Variants in SRD5A2 observed in about 807,000 individuals in gnomAD.
SRD5A2 encodes steroid 5 alpha-reductase 2, also known as 3-oxo-5-alpha-steroid 4-dehydrogenase 2.
SRD5A2 carries 30 observed loss-of-function variants against 27.4 expected under a neutral mutation model. The ratio of observed to expected loss-of-function variants is 1.10; its 90% CI spans 0.82 to 1.49. The LOEUF (loss-of-function observed/expected upper bound fraction) is 1.49, where lower values mean the gene tolerates loss of function less well. Ranked by LOEUF, SRD5A2 falls within the 40% of genes most tolerant of loss-of-function variation. SRD5A2 has a pLI of 0.00. For synonymous variants in SRD5A2, 141 were observed against 133.6 expected (o/e 1.06, Z -0.38); for missense variants, 348 against 323.4 (o/e 1.08, Z -0.58).
At chr2:31,652,738 A>T in the SRD5A2 span, among the ~76,000 whole-genome samples, 1 of 152,234 alleles carries the variant, frequency 6.6e-6, no homozygotes, top group Non-Finnish European at 1.5e-5. Flanking sequence ...GAAGTGCCAA[A>T]CTTAATCTAC....
rs200206626 is a variant in SRD5A2, at chr2:31,533,717, G to T, written c.331C>A (p.Leu111Ile). The T allele has an allele frequency of 2.9e-5, 47 of 1,599,070 alleles. No homozygotes were observed. Among genetic ancestry groups the T allele is most frequent in the Non-Finnish European group, 3.4e-5 (40 of 1,172,664 alleles). The change falls in exon 2 of 5, where the codon CTC becomes ATC. Residue 111 changes from leucine to isoleucine, a missense_variant. By Grantham distance (5) the Leu-to-Ile change is conservative. Coordinates refer to ENST00000622030, the MANE Select transcript of SRD5A2 (RefSeq NM_000348.4). ...LNRGRPYPAI[L>I]ILRGTAFCTG... ...CAGAAGGCAGTGCCTCTGAGAATGA[G>T]TATAGCTGGATAAGGCCTCCCTCGA...
intron 1 of SRD5A2, among the ~76,000 whole-genome samples, chr2:31,561,399 T>C (rs144353728): frequency 0.016 from 2,405 of 152,296 alleles, 36 homozygotes; most frequent in South Asian, 0.044. Flanking sequence ...TACTCTGCCA[T>C]GCTGGAAGAC....
At chr2:31,598,097 A>G in the SRD5A2 span, among the ~76,000 whole-genome samples, 2 of 152,136 alleles carry the variant, frequency 1.3e-5, no homozygotes, top group African/African-American at 4.8e-5. Context: ...TGGTATATAT[A>G]CCATGGAATA....
chr2:31,593,110 T>A, the SRD5A2 span, among the ~76,000 whole-genome samples: 1,042 of 151,432 alleles, frequency 6.9e-3, 7 homozygotes, highest in African/African-American at 0.024. Flanking sequence ...GGGACTGTTG[T>A]GGGGTCGGGG....
chr2:31,581,012 C>T, upstream of SRD5A2: 2 of 1,208,834 alleles, frequency 1.7e-6, no homozygotes, highest in Non-Finnish European at 2.2e-6. Context: ...GGCCTTGGCT[C>T]CCGCCCCTCC....
chr2:31,530,093 C>T (rs1558356310), intron 3 of SRD5A2, among the ~76,000 whole-genome samples: 1 of 152,194 alleles, frequency 6.6e-6, no homozygotes, highest in East Asian at 1.9e-4. Flanking sequence ...TATTTCTTCT[C>T]TCAGGACTGT....
rs376161493 is a variant in SRD5A2, at chr2:31,526,293, A to G, written c.699-31T>C. 3 of 1,424,876 alleles carry G rather than the reference A, an allele frequency of 2.1e-6. No individual in the cohort carries two copies. The African/African-American group carries it at 4.3e-5, about 20-fold the overall frequency. 88.3% of individuals were successfully genotyped at this position (1,424,876 alleles called of 1,614,324 possible). On this transcript the variant is annotated intron_variant, in intron 4 of 4. Coordinates refer to ENST00000622030, the MANE Select transcript of SRD5A2 (RefSeq NM_000348.4). ...AGACAAGAAAGGAATAATTGTAAAT[A>G]TAATGGAGCAGTGGCTGACAGCTGA...
the SRD5A2 span, among the ~76,000 whole-genome samples, chr2:31,615,912 T>C: frequency 1.3e-5 from 2 of 152,168 alleles, no homozygotes; most frequent in South Asian, 2.1e-4. Context: ...TAGCCATGGC[T>C]AATAGGGGTC....
chr2:31,576,697 CAT>C (rs1666965267), intron 1 of SRD5A2, among the ~76,000 whole-genome samples: 2 of 58,032 alleles, frequency 3.4e-5, no homozygotes, highest in South Asian at 1.1e-3. Context: ...CACATGCACA[CAT>C]ATGTTTATTG....
chr2:31,660,947 G>A, the SRD5A2 span, among the ~76,000 whole-genome samples: 1 of 152,006 alleles, frequency 6.6e-6, no homozygotes. Flanking sequence ...CCCAAAAGAA[G>A]GGTTCCATTA....
chr2:31,565,129 A>C (rs1666704726), intron 1 of SRD5A2, among the ~76,000 whole-genome samples: 1 of 151,992 alleles, frequency 6.6e-6, no homozygotes, highest in Non-Finnish European at 1.5e-5. Context: ...GAAGTGGTAT[A>C]ATATCACCTT....
the SRD5A2 span, among the ~76,000 whole-genome samples, chr2:31,659,307 A>C: frequency 9.2e-5 from 14 of 152,300 alleles, no homozygotes; most frequent in African/African-American, 3.1e-4. Flanking sequence ...CTCCTATTCA[A>C]CATAGTACTG....
chr2:31,541,355 C>A (rs1431103044), intron 1 of SRD5A2, among the ~76,000 whole-genome samples: 2 of 150,096 alleles, frequency 1.3e-5, no homozygotes, highest in Non-Finnish European at 1.5e-5. Context: ...AAAAAAAACA[C>A]AAGGCATTCA....
At chr2:31,656,755 T>C in the SRD5A2 span, among the ~76,000 whole-genome samples, 1 of 152,186 alleles carries the variant, frequency 6.6e-6, no homozygotes, top group Non-Finnish European at 1.5e-5. Context: ...AACACATTTC[T>C]GTTGCTTATA....
chr2:31,543,901 A>G (rs1666190287), intron 1 of SRD5A2, among the ~76,000 whole-genome samples: 1 of 152,082 alleles, frequency 6.6e-6, no homozygotes, highest in African/African-American at 2.4e-5. Flanking sequence ...AGATGAGCAG[A>G]ATGGATTTTT....
chr2:31,560,403 C>G (rs1666598275), intron 1 of SRD5A2, among the ~76,000 whole-genome samples: 2 of 152,190 alleles, frequency 1.3e-5, no homozygotes, highest in African/African-American at 2.4e-5. Flanking sequence ...CCCTCTATAT[C>G]TCACAGTTCC....
At chr2:31,630,307 G>C in the SRD5A2 span, among the ~76,000 whole-genome samples, 1 of 152,134 alleles carries the variant, frequency 6.6e-6, no homozygotes, top group Non-Finnish European at 1.5e-5. Context: ...CAGAGAGAGA[G>C]AGACAGAGAG....
intron 1 of SRD5A2, among the ~76,000 whole-genome samples, chr2:31,546,471 A>T (rs1185190448): frequency 6.6e-6 from 1 of 152,078 alleles, no homozygotes; most frequent in Non-Finnish European, 1.5e-5. Flanking sequence ...TAAAAAATTA[A>T]ATTATGTCCT....
At chr2:31,607,480 A>G in the SRD5A2 span, among the ~76,000 whole-genome samples, 1 of 151,966 alleles carries the variant, frequency 6.6e-6, no homozygotes, top group African/African-American at 2.4e-5. Flanking sequence ...GATGAGAAGA[A>G]AGTGGAACAT....
Sources: gnomAD v4.1 joint callset for allele counts (sites outside exome capture counted in the v4.1 genomes callset) on GRCh38, gnomAD v4.1.1 for gene constraint, MANE v1.5 for transcripts, NCBI Gene and HGNC (gene_info 2026-07-23, HGNC 2026-07-21) for gene names.